Variants in DGCR8 observed in about 807,000 individuals in gnomAD.
DGCR8 encodes DGCR8 microprocessor complex subunit.
Under a neutral mutation model 78.5 loss-of-function variants are expected in DGCR8, and 14 were observed. That is an observed-to-expected ratio of 0.18 (90% CI 0.12 to 0.28). DGCR8 has a LOEUF of 0.28. Among genes scored for constraint, DGCR8 ranks in the 10% least tolerant of loss-of-function variants. The probability of loss-of-function intolerance (pLI) is 1.00; values close to 1 mark genes in which losing one functional copy is unlikely to be tolerated. For missense variants in DGCR8, 702 were observed against 1,022.5 expected (o/e 0.69, Z 4.28); for synonymous variants, 399 against 402.4 (o/e 0.99, Z 0.10).
At position 20,110,698 on chromosome 22, in the gene DGCR8, C is replaced by T. The variant is rs2049830430; in HGVS notation, c.*590C>T. The T allele has an allele frequency of 6.3e-6, 1 of 157,726 alleles. No individual in the cohort carries two copies. The highest frequency in any genetic ancestry group is 6.5e-5 in the Admixed American group (1 of 15,406). The allele number at this position is 157,726 out of a possible 1,614,324, so 9.8% of individuals were successfully genotyped here. ...CTTAAACAGAATTTTAGCATCAGAA[C>T]TAGCTTTCTGGGATTGGAGGCAAAC... On this transcript the variant is annotated 3_prime_UTR_variant, in exon 14 of 14. Transcript: ENST00000351989.
chr22:20,103,350 A>G (rs1424216166), intron 9 of DGCR8, among the ~76,000 whole-genome samples: 1 of 151,852 alleles, frequency 6.6e-6, no homozygotes, highest in African/African-American at 2.4e-5. Flanking sequence ...TTATAGTTAA[A>G]TATTTTATGT....
chr22:20,102,585 A>C (rs930621040), intron 9 of DGCR8, among the ~76,000 whole-genome samples: 9 of 152,184 alleles, frequency 5.9e-5, no homozygotes, highest in African/African-American at 1.9e-4. Context: ...GCTGTGTGGC[A>C]GGTGCACGCT....
intron 9 of DGCR8, among the ~76,000 whole-genome samples, chr22:20,097,772 A>G (rs546724771): frequency 6.6e-6 from 1 of 151,644 alleles, no homozygotes; most frequent in East Asian, 1.9e-4. Context: ...TCTTTTTTAA[A>G]AAAATTCTTT....
intron 9 of DGCR8, chr22:20,100,938 G>A: frequency 3.1e-6 from 2 of 638,488 alleles, no homozygotes; most frequent in Middle Eastern, 7.9e-4. Context: ...ACCCGGCACA[G>A]GACCCCTCCT....
chr22:20,093,427 C>G (rs1030893845), intron 8 of DGCR8, among the ~76,000 whole-genome samples: 2 of 152,096 alleles, frequency 1.3e-5, no homozygotes, highest in African/African-American at 2.4e-5. Context: ...TAGAAGGCCT[C>G]TCTACTGAGT....
chr22:20,096,638 C>A (rs1052028386), intron 9 of DGCR8: 1 of 241,812 alleles, frequency 4.1e-6, no homozygotes, highest in Non-Finnish European at 6.6e-6. Context: ...ATCTCAACAC[C>A]CCCAAAAGAA....
chr22:20,101,967 A>G, intron 9 of DGCR8: 1 of 985,318 alleles, frequency 1.0e-6, no homozygotes. Flanking sequence ...AAAAGGAACA[A>G]CTGGCATCAT....
chr22:20,088,232 G>A (rs1160727644), intron 3 of DGCR8, among the ~76,000 whole-genome samples: 2 of 152,222 alleles, frequency 1.3e-5, no homozygotes, highest in African/African-American at 4.8e-5. Flanking sequence ...TTTTGGTCTA[G>A]ACGGTTGCAG....
Position 20,085,832 on chromosome 22 carries a change from T to C in DGCR8, c.-132T>C. 1 of 1,484,954 alleles carries C rather than the reference T, an allele frequency of 6.7e-7. No homozygotes were observed. Among genetic ancestry groups the C allele is most frequent in the Non-Finnish European group, 8.9e-7 (1 of 1,125,562 alleles). The allele number at this position is 1,484,954 out of a possible 1,614,324, so 92.0% of individuals were successfully genotyped here. A position where few individuals can be genotyped will look rare whatever the true frequency, so the allele number is the denominator to read the frequency against. On this transcript the variant is annotated 5_prime_UTR_variant, in exon 2 of 14. The change abolishes the stop of an existing upstream ORF in the 5' untranslated region. Coordinates refer to ENST00000351989, the MANE Select transcript of DGCR8 (RefSeq NM_022720.7). This position sits in a 1 kb window ranked among gnomAD's most constrained non-coding sequence, Gnocchi z 6.2. ...AATGAAAAGAGCAATGTGGCCAGCT[T>C]GACTAAGCCGCCAGCGCACAGCGCG...
At chr22:20,081,501 G>A (rs570231939) in intron 1 of DGCR8, among the ~76,000 whole-genome samples, 18 of 152,346 alleles carry the variant, frequency 1.2e-4, no homozygotes, top group Admixed American at 5.9e-4. Context: ...TGAGCCCTTT[G>A]CGGCCAGGCG....
intron 13 of DGCR8, among the ~76,000 whole-genome samples, chr22:20,109,367 T>A (rs752982620): frequency 6.6e-5 from 10 of 152,112 alleles, no homozygotes; most frequent in Non-Finnish European, 1.2e-4. Context: ...AAAGCCACCT[T>A]GGGAACCCCA....
Position 20,086,469 on chromosome 22 carries a change from G to A in DGCR8, c.506G>A (p.Gly169Asp). ...GCTTGTCCCTTTGGCGGGAGTGTTG[G>A]TGACGGGGTAGGCATAGGGGGTGAG... ...VHACPFGGSV[G>D]DGVGIGGESA... Residue 169 changes from glycine to aspartate, a missense_variant, in exon 2 of 14, where the codon GGT becomes GAT. Around this residue, in one of 4 missense-constraint regions of DGCR8, gnomAD observed 356 missense variants for 448.9 expected, o/e 0.79. Coordinates refer to ENST00000351989, the MANE Select transcript of DGCR8 (RefSeq NM_022720.7). The surrounding 1 kb of genome is among the most constrained non-coding windows in gnomAD (Gnocchi z 6.4). 6.2e-7 allele frequency: 1 copy of A among 1,614,042 alleles called. No homozygotes were observed. Among genetic ancestry groups the A allele is most frequent in the South Asian group, 1.1e-5 (1 of 91,082 alleles).
chr22:20,100,591 CA>C, intron 9 of DGCR8: 1 of 985,414 alleles, frequency 1.0e-6, no homozygotes, highest in Non-Finnish European at 1.2e-6. Flanking sequence ...GTCCATGAAC[CA>C]CTGTGGTTTC....
chr22:20,089,536 G>A lies in DGCR8; in HGVS notation c.881-133G>A, dbSNP rs1305971941. 3 of 986,362 alleles carry A rather than the reference G, an allele frequency of 3.0e-6. No homozygotes were observed. The highest frequency in any genetic ancestry group is 3.2e-5 in the African/African-American group (2 of 62,096). 61.1% of individuals were successfully genotyped at this position (986,362 alleles called of 1,614,324 possible). On this transcript the variant is annotated intron_variant, in intron 3 of 13. Coordinates refer to ENST00000351989, the MANE Select transcript of DGCR8 (RefSeq NM_022720.7). This position sits in a 1 kb window ranked among gnomAD's most constrained non-coding sequence, Gnocchi z 4.9. ...GGCATAGCAGTGAGCAAGGCAGAGA[G>A]GAATTTCGATTATCTGTGAAGACCC...
intron 9 of DGCR8, among the ~76,000 whole-genome samples, chr22:20,104,225 C>T (rs1163704010): frequency 2.0e-5 from 3 of 149,578 alleles, no homozygotes; most frequent in African/African-American, 4.9e-5. Flanking sequence ...ACTGCAGTGG[C>T]GCAATCTTGG....
chr22:20,087,132 G>T lies in DGCR8; in HGVS notation c.721-30G>T. 6.3e-7 allele frequency: 1 copy of T among 1,586,140 alleles called. No homozygotes were observed. Among genetic ancestry groups the T allele is most frequent in the Non-Finnish European group, 8.6e-7 (1 of 1,162,934 alleles). On this transcript the variant is annotated intron_variant, in intron 2 of 13. Transcript: ENST00000351989. The surrounding 1 kb of genome is among the most constrained non-coding windows in gnomAD (Gnocchi z 4.1). The stretch of plus-strand genomic sequence containing the variant: ...TGTTGCAGGAGCATGAGCGCCAGGG[G>T]CTCTGGTGTCTGAACAGCGTGTTTT...
Position 20,087,888 on chromosome 22 carries a change from G to A in DGCR8, c.880+567G>A, listed in dbSNP as rs912766516. ...GTTGAGGGTAGTGGGGAGAGCACTT[G>A]AGAGGCGCCCAGAGTTGCACTGTGA... On this transcript the variant is annotated intron_variant, in intron 3 of 13. Coordinates refer to ENST00000351989, the MANE Select transcript of DGCR8 (RefSeq NM_022720.7). The surrounding 1 kb of genome is among the most constrained non-coding windows in gnomAD (Gnocchi z 4.1). 2.2e-4 allele frequency among the ~76,000 whole-genome samples: 33 copies of A among 152,272 alleles called. No individual in the cohort carries two copies. Among genetic ancestry groups the A allele is most frequent in the Middle Eastern group, 3.4e-3 (1 of 294 alleles).
In DGCR8 at chr22:20,080,249, GC is replaced by G; in HGVS notation, c.-409del. The G allele has an allele frequency of 1.0e-6, 1 of 972,928 alleles. No homozygotes were observed. Among genetic ancestry groups the G allele is most frequent in the Non-Finnish European group, 1.2e-6 (1 of 820,684 alleles). The allele number at this position is 972,928 out of a possible 1,614,324, so 60.3% of individuals were successfully genotyped here. A position where few individuals can be genotyped will look rare whatever the true frequency, so the allele number is the denominator to read the frequency against. ...CGCCGCGAAGGCCCGCCCTCCGCTC[GC>G]CCGGCGCGGCAGGCGGGTGCCGGCG... On this transcript the variant is annotated 5_prime_UTR_variant, in exon 1 of 14. Transcript: ENST00000351989.
intron 11 of DGCR8, 171 bp downstream of exon 11, chr22:20,106,869 G>C (rs903665795): frequency 2.6e-5 from 16 of 610,458 alleles, no homozygotes; most frequent in African/African-American, 3.7e-5. Flanking sequence ...CGTCCTGCCT[G>C]CACTTTCCCT....
Sources: allele counts gnomAD v4.1 joint callset (sites outside exome capture counted in the v4.1 genomes callset), GRCh38; gene constraint gnomAD v4.1.1; regional missense constraint gnomAD v4.1.1; non-coding constraint Gnocchi (gnomAD v3.1); transcripts MANE v1.5; gene names NCBI Gene and HGNC (gene_info 2026-07-23, HGNC 2026-07-21).